AP3B2: variants seen among roughly 807,000 people sequenced by gnomAD.
AP3B2 encodes AP-3 complex subunit beta-2.
A neutral mutation model predicts 126.9 loss-of-function variants in AP3B2; 50 were observed. The ratio of observed to expected loss-of-function variants is 0.39; its 90% CI spans 0.31 to 0.50. The LOEUF (loss-of-function observed/expected upper bound fraction) is 0.50, where lower values mean the gene tolerates loss of function less well. Among genes scored for constraint, AP3B2 ranks in the 20% least tolerant of loss-of-function variants. The pLI, the probability that AP3B2 is intolerant of heterozygous loss-of-function variation, is 0.79. For synonymous variants in AP3B2, 541 were observed against 565.0 expected, an observed-to-expected ratio of 0.96 and a Z score of 0.60; for missense variants, 1,177 against 1,426.4, an observed-to-expected ratio of 0.83 and a Z score of 2.82.
chr15:82,683,047 G>GGTT (rs2048368127), intron 4 of AP3B2, among the ~76,000 whole-genome samples: 2 of 77,716 alleles, frequency 2.6e-5, no homozygotes, highest in African/African-American at 4.5e-5. Context: ...TGCACCAGGA[G>GGTT]TTTTTTTTTT....
intron 1 of AP3B2, among the ~76,000 whole-genome samples, chr15:82,700,128 T>G (rs1486738995): frequency 6.6e-6 from 1 of 152,106 alleles, no homozygotes; most frequent in Non-Finnish European, 1.5e-5. Flanking sequence ...AGATGCCCTC[T>G]TCAGCTCCAA....
chr15:82,667,565 C>T (rs1052622676), intron 14 of AP3B2, among the ~76,000 whole-genome samples: 1 of 152,214 alleles, frequency 6.6e-6, no homozygotes, highest in Non-Finnish European at 1.5e-5. Context: ...AGGGAAGCTA[C>T]AACTGCAGAC....
intron 1 of AP3B2, among the ~76,000 whole-genome samples, chr15:82,690,360 C>T (rs1325472237): frequency 2.0e-5 from 3 of 151,654 alleles, no homozygotes; most frequent in African/African-American, 7.3e-5. Flanking sequence ...CCCATTAATT[C>T]GTCATTTACA....
intron 15 of AP3B2, among the ~76,000 whole-genome samples, chr15:82,666,233 T>G (rs2048055498): frequency 6.6e-6 from 1 of 152,210 alleles, no homozygotes; most frequent in Non-Finnish European, 1.5e-5. Context: ...TCAAGGCCGT[T>G]GTCTTGGGAA....
intron 1 of AP3B2, among the ~76,000 whole-genome samples, chr15:82,706,556 A>AGCAGCTAGCATTCCAACTTCTGTCCCTC (rs2048798303): frequency 2.6e-5 from 4 of 152,204 alleles, no homozygotes; most frequent in Non-Finnish European, 1.5e-5. Flanking sequence ...TAGCTAAAAA[A>AGCAGCTAGCATTCCAACTTCTGTCCCTC]GCAGCTAGCA....
intron 14 of AP3B2, among the ~76,000 whole-genome samples, chr15:82,675,702 G>A (rs2151437477): frequency 6.6e-6 from 1 of 152,310 alleles, no homozygotes; most frequent in East Asian, 1.9e-4. Context: ...GAATGAGCAG[G>A]GCTGTGTTCC....
intron 1 of AP3B2, among the ~76,000 whole-genome samples, chr15:82,697,544 A>G (rs10906984): frequency 6.6e-6 from 1 of 151,896 alleles, no homozygotes; most frequent in Non-Finnish European, 1.5e-5. Flanking sequence ...AGAACACGCA[A>G]CTTAGTCACA....
intron 14 of AP3B2, among the ~76,000 whole-genome samples, chr15:82,669,207 CTG>C (rs980474557): frequency 2.6e-5 from 4 of 152,164 alleles, no homozygotes; most frequent in African/African-American, 9.6e-5. Flanking sequence ...TAAGAAGACT[CTG>C]TATTGGAAGT....
At position 82,662,334 on chromosome 15, in the gene AP3B2, C is replaced by G. The variant is rs2047965245; in HGVS notation, c.2834-82G>C. The G allele has an allele frequency of 1.8e-5, 19 of 1,067,280 alleles. No homozygotes were observed. In the East Asian group the frequency reaches 4.9e-4, roughly 28 times the overall value. 66.1% of individuals were successfully genotyped at this position (1,067,280 alleles called of 1,614,324 possible). A position where few individuals can be genotyped will look rare whatever the true frequency, so the allele number is the denominator to read the frequency against. On this transcript the variant is annotated intron_variant, in intron 23 of 26. Coordinates refer to ENST00000535359, the MANE Select transcript of AP3B2 (RefSeq NM_001278512.2). ...CTAGAACCCAGCCTAGCCCTACTCT[C>G]CTCTCCACTGTCACAGCTGACCAGC...
Position 82,681,641 on chromosome 15 carries a change from C to G in AP3B2, c.361-61G>C. 6.4e-7 allele frequency: 1 copy of G among 1,557,432 alleles called. No homozygotes were observed. Among genetic ancestry groups the G allele is most frequent in the Admixed American group, 1.8e-5 (1 of 56,772 alleles). ...CACCAGGTGCCCTGATGGGGGGAGGCCACACCTTTGGAAGTCACTGTCCCC... is the reference window on the plus strand; with the variant it reads ...CACCAGGTGCCCTGATGGGGGGAGGGCACACCTTTGGAAGTCACTGTCCCC... On this transcript the variant is annotated intron_variant, in intron 4 of 26. Coordinates refer to ENST00000535359, the MANE Select transcript of AP3B2 (RefSeq NM_001278512.2). The surrounding 1 kb of genome is among the most constrained non-coding windows in gnomAD (Gnocchi z 4.0).
rs1596196913 is a variant in AP3B2, at chr15:82,699,344, G to T, written c.114-9891C>A. On this transcript the variant is annotated intron_variant, in intron 1 of 26. Transcript: ENST00000535359. Reference sequence around the variant, plus strand: ...CCTCGTCCAGAGCCCACTCCAGTGGGGGCCTGTGGGGAGAAAGAGGTCAAG... The same window carrying T: ...CCTCGTCCAGAGCCCACTCCAGTGGTGGCCTGTGGGGAGAAAGAGGTCAAG... 1.5e-5 allele frequency: 4 copies of T among 260,126 alleles called. No individual in the cohort carries two copies. The South Asian group carries it at 5.2e-4, about 34-fold the overall frequency. 16.1% of individuals were successfully genotyped at this position (260,126 alleles called of 1,614,324 possible).
chr15:82,673,471 C>T (rs1219204698), intron 14 of AP3B2, among the ~76,000 whole-genome samples: 3 of 152,142 alleles, frequency 2.0e-5, no homozygotes, highest in Non-Finnish European at 1.5e-5. Flanking sequence ...ACCTTGGGCT[C>T]CCAAAGTGCT....
At chr15:82,677,436 C>G in intron 12 of AP3B2, 53 bp from the exon 13 acceptor site, 1 of 1,529,108 alleles carries the variant, frequency 6.5e-7, no homozygotes, top group Non-Finnish European at 9.0e-7. Context: ...TGGCCACACT[C>G]AGGTGGACAG....
intron 1 of AP3B2, among the ~76,000 whole-genome samples, chr15:82,704,303 A>C (rs926604744): frequency 6.6e-6 from 1 of 152,190 alleles, no homozygotes; most frequent in Admixed American, 6.5e-5. Context: ...CAAAAATTAA[A>C]TTCCGGCCCT....
At chr15:82,702,828 GTCC>G (rs1171059055) in intron 1 of AP3B2, among the ~76,000 whole-genome samples, 1 of 151,448 alleles carries the variant, frequency 6.6e-6, no homozygotes, top group African/African-American at 2.5e-5. Context: ...TCAATCCCCT[GTCC>G]TCCTGCTCTT....
Position 82,659,467 on chromosome 15 carries a change from G to A in AP3B2, c.*93C>T. 2 of 1,510,676 alleles carry A rather than the reference G, an allele frequency of 1.3e-6. No individual in the cohort carries two copies. The highest frequency in any genetic ancestry group is 1.8e-6 in the Non-Finnish European group (2 of 1,107,984). The allele number at this position is 1,510,676 out of a possible 1,614,324, so 93.6% of individuals were successfully genotyped here. ...GAATGCTATCTGGCATGAGGAGGAT[G>A]ATGAGAGAGAGAGAGAAAGATGAGA... On this transcript the variant is annotated 3_prime_UTR_variant, in exon 27 of 27. Transcript: ENST00000535359.
chr15:82,669,737 C>A, intron 14 of AP3B2, among the ~76,000 whole-genome samples: 1 of 147,880 alleles, frequency 6.8e-6, no homozygotes. Context: ...GTGGCTCACA[C>A]CTGTAATCCT....
intron 4 of AP3B2, among the ~76,000 whole-genome samples, chr15:82,683,447 G>A (rs1036325566): frequency 1.3e-5 from 2 of 152,160 alleles, no homozygotes; most frequent in African/African-American, 4.8e-5. Context: ...CAGCAATTCA[G>A]TCACATCTTC....
intron 9 of AP3B2, 100 bp from the exon 10 acceptor site, chr15:82,679,900 TG>T (rs2048304598): frequency 8.8e-7 from 1 of 1,131,810 alleles, no homozygotes; most frequent in African/African-American, 1.5e-5. Flanking sequence ...CCAGGATCCT[TG>T]CCTCCTCACC....
Sources: gnomAD v4.1 joint callset for allele counts (sites outside exome capture counted in the v4.1 genomes callset) on GRCh38, gnomAD v4.1.1 for gene constraint, Gnocchi (gnomAD v3.1) non-coding constraint, MANE v1.5 for transcripts, NCBI Gene and HGNC (gene_info 2026-07-23, HGNC 2026-07-21) for gene names.